TBC1D22A: variants seen among roughly 807,000 people sequenced by gnomAD.
TBC1D22A encodes the protein putative GTPase activator.
TBC1D22A carries 38 observed loss-of-function variants against 60.2 expected under a neutral mutation model. That is an observed-to-expected ratio of 0.63 (90% CI 0.49 to 0.83). The LOEUF (loss-of-function observed/expected upper bound fraction) is 0.83, where lower values mean the gene tolerates loss of function less well. Among genes scored for constraint, TBC1D22A ranks in the 40% least tolerant of loss-of-function variants. The probability of loss-of-function intolerance (pLI) is 0.00; values close to 1 mark genes in which losing one functional copy is unlikely to be tolerated. For synonymous variants in TBC1D22A, 302 were observed against 281.7 expected (o/e 1.07, Z -0.72); for missense variants, 628 against 701.0 (o/e 0.90, Z 1.18).
At chr22:46,904,137 A>ATCTATCTC (rs1555937455) in intron 7 of TBC1D22A, among the ~76,000 whole-genome samples, 6 of 95,430 alleles carry the variant, frequency 6.3e-5, no homozygotes, top group Admixed American at 2.3e-4. Context: ...CTATCTATCT[A>ATCTATCTC]TCTATCTACC....
chr22:46,951,821 A>C (rs1255716030), intron 8 of TBC1D22A, among the ~76,000 whole-genome samples: 1 of 152,228 alleles, frequency 6.6e-6, no homozygotes, highest in Non-Finnish European at 1.5e-5. Context: ...TCTTTCTTTA[A>C]GGTGTCCTGA....
chr22:46,912,801 C>A (rs756644565), intron 8 of TBC1D22A, among the ~76,000 whole-genome samples: 4 of 152,170 alleles, frequency 2.6e-5, no homozygotes, highest in African/African-American at 9.7e-5. Flanking sequence ...GTGATCTGCC[C>A]GCCTTCGCCT....
At chr22:47,103,935 T>C (rs1296393111) in intron 11 of TBC1D22A, among the ~76,000 whole-genome samples, 1 of 152,172 alleles carries the variant, frequency 6.6e-6, no homozygotes, top group African/African-American at 2.4e-5. Context: ...AAATTCAAAA[T>C]ATTTTACCCC....
At chr22:47,015,416 T>G (rs1227943672) in intron 10 of TBC1D22A, among the ~76,000 whole-genome samples, 2 of 152,140 alleles carry the variant, frequency 1.3e-5, no homozygotes, top group Non-Finnish European at 2.9e-5. Flanking sequence ...ATTATAGAGG[T>G]GTGAGGGGGC....
chr22:46,818,646 A>T (rs780085522), intron 4 of TBC1D22A, among the ~76,000 whole-genome samples: 2 of 151,960 alleles, frequency 1.3e-5, no homozygotes, highest in African/African-American at 4.8e-5. Context: ...TGCAGTTTTG[A>T]TTACTGTAGC....
intron 8 of TBC1D22A, among the ~76,000 whole-genome samples, chr22:46,960,607 C>T (rs1369397457): frequency 6.6e-6 from 1 of 152,154 alleles, no homozygotes; most frequent in Admixed American, 6.5e-5. Flanking sequence ...ACCAGGCAGT[C>T]TGCTCTGCCA....
intron 8 of TBC1D22A, among the ~76,000 whole-genome samples, chr22:46,959,223 T>C (rs1188912765): frequency 6.6e-6 from 1 of 152,148 alleles, no homozygotes; most frequent in Non-Finnish European, 1.5e-5. Flanking sequence ...ACGTGACTGA[T>C]GGATGATGAG....
rs146963111 is a variant in TBC1D22A at position 46,807,334 on chromosome 22, A to G, written c.637+9714A>G. On this transcript the variant is annotated intron_variant, in intron 4 of 12. Transcript: ENST00000337137. The stretch of plus-strand genomic sequence containing the variant: ...CTGTGATGATGGTGGTGGGAATGAT[A>G]GTGATACCAACTCTCCTGCTTGTCG... 6.8e-3 allele frequency among the ~76,000 whole-genome samples: 1,031 copies of G among 152,116 alleles called. 10 individuals are homozygous for G. Among genetic ancestry groups the G allele is most frequent in the African/African-American group, 0.021 (870 of 41,492 alleles).
chr22:46,843,489 A>G (rs1356587175), intron 4 of TBC1D22A, among the ~76,000 whole-genome samples: 1 of 142,242 alleles, frequency 7.0e-6, no homozygotes. Flanking sequence ...CCACCTCAGC[A>G]TGCCCCCTTT....
At chr22:47,000,026 A>G (rs113316065) in intron 10 of TBC1D22A, among the ~76,000 whole-genome samples, 3,080 of 152,312 alleles carry the variant, frequency 0.02, 57 homozygotes, top group South Asian at 0.085. Flanking sequence ...CTCCATCTCA[A>G]AAACAAAAAC....
chr22:47,123,973 G>T (rs1202142927), intron 12 of TBC1D22A, among the ~76,000 whole-genome samples: 1 of 152,154 alleles, frequency 6.6e-6, no homozygotes, highest in Non-Finnish European at 1.5e-5. Flanking sequence ...CCACATGCCT[G>T]CCTCCCATGT....
At chr22:47,005,813 T>C (rs1380539688) in intron 10 of TBC1D22A, among the ~76,000 whole-genome samples, 3 of 150,590 alleles carry the variant, frequency 2.0e-5, no homozygotes, top group Non-Finnish European at 3.0e-5. Context: ...ACACTCTCCA[T>C]ATACACACCC....
chr22:47,098,950 A>G (rs1244577292), intron 11 of TBC1D22A, among the ~76,000 whole-genome samples: 3 of 152,114 alleles, frequency 2.0e-5, no homozygotes, highest in Non-Finnish European at 4.4e-5. Flanking sequence ...TGACTCAGCG[A>G]GCTTGCACAC....
intron 11 of TBC1D22A, among the ~76,000 whole-genome samples, chr22:47,045,228 G>T (rs1281117686): frequency 6.6e-6 from 1 of 152,186 alleles, no homozygotes; most frequent in Non-Finnish European, 1.5e-5. Flanking sequence ...CGTGGCACCT[G>T]GCTGCACACG....
intron 1 of TBC1D22A, among the ~76,000 whole-genome samples, chr22:46,771,576 C>T (rs774524385): frequency 4.6e-5 from 7 of 151,956 alleles, no homozygotes; most frequent in Non-Finnish European, 7.4e-5. Flanking sequence ...TTTGCATCCT[C>T]ATGGCTTAGG....
At chr22:47,158,660 C>A (rs7292623) in intron 12 of TBC1D22A, among the ~76,000 whole-genome samples, 1 of 152,056 alleles carries the variant, frequency 6.6e-6, no homozygotes, top group Non-Finnish European at 1.5e-5. Flanking sequence ...TGCTCAGGAC[C>A]CCCTGCAGAG....
Position 46,792,399 on chromosome 22 carries a change from A to T in TBC1D22A, c.63-121A>T, listed in dbSNP as rs909444004. 8.0e-6 allele frequency: 11 copies of T among 1,382,676 alleles called. No individual in the cohort carries two copies. In the African/African-American group the frequency reaches 1.1e-4, roughly 14 times the overall value. The allele number at this position is 1,382,676 out of a possible 1,614,324, so 85.7% of individuals were successfully genotyped here. On this transcript the variant is annotated intron_variant, in intron 1 of 12. Transcript: ENST00000337137. ...GCTGCAGGGGGGCCTGCGACAGCCC[A>T]TGAGGAGCTGCTTCCTTCAGTCCTG...
At chr22:46,834,719 G>A (rs2147175727) in intron 4 of TBC1D22A, among the ~76,000 whole-genome samples, 1 of 152,334 alleles carries the variant, frequency 6.6e-6, no homozygotes, top group Middle Eastern at 3.4e-3. Context: ...CTGCCTTGTG[G>A]ACTTCACTAA....
intron 11 of TBC1D22A, among the ~76,000 whole-genome samples, chr22:47,058,549 T>C (rs553158520): frequency 6.5e-4 from 99 of 151,934 alleles, no homozygotes; most frequent in Non-Finnish European, 1.2e-3. Flanking sequence ...TGTCTACTCT[T>C]CTCTGATCCC....
Sources: allele counts gnomAD v4.1 joint callset (sites outside exome capture counted in the v4.1 genomes callset), GRCh38; gene constraint gnomAD v4.1.1; transcripts MANE v1.5; gene names NCBI Gene and HGNC (gene_info 2026-07-23, HGNC 2026-07-21).